TSPAN9: variants seen among roughly 807,000 people sequenced by gnomAD.
TSPAN9 encodes tetraspanin-9.
Under a neutral mutation model 31.0 loss-of-function variants are expected in TSPAN9, and 16 were observed. The ratio of observed to expected loss-of-function variants is 0.52; its 90% confidence interval spans 0.35 to 0.78. The LOEUF is 0.78. Among genes scored for constraint, TSPAN9 ranks in the 30% least tolerant of loss-of-function variants. TSPAN9 has a pLI of 0.01. For missense variants in TSPAN9, 272 were observed against 312.5 expected (o/e 0.87, Z 0.98); for synonymous variants, 145 against 121.6 (o/e 1.19, Z -1.27).
intron 2 of TSPAN9, among the ~76,000 whole-genome samples, chr12:3,114,707 A>G (rs1315947187): frequency 1.3e-5 from 2 of 151,914 alleles, no homozygotes; most frequent in Non-Finnish European, 2.9e-5. Flanking sequence ...GCCAGGCATG[A>G]TGGTGGGTGC....
rs632887 is a variant in TSPAN9 at position 3,283,185 on chromosome 12, A to G, written c.*69A>G. On this transcript the variant is annotated 3_prime_UTR_variant, in exon 9 of 9. Coordinates refer to ENST00000011898, the MANE Select transcript of TSPAN9 (RefSeq NM_006675.5). The stretch of plus-strand genomic sequence containing the variant: ...AGGGAAGAGGATTGAGCTTTGTGTC[A>G]CCTGCCTGCGCTCTCCAGATATGAC... The G allele has an allele frequency of 0.41, 635,338 of 1,539,558 alleles. 133,128 individuals are homozygous for G. Among genetic ancestry groups the G allele is most frequent in the Middle Eastern group, 0.56 (3,326 of 5,918 alleles).
chr12:3,152,500 G>C (rs2153968714), intron 2 of TSPAN9, among the ~76,000 whole-genome samples: 1 of 152,358 alleles, frequency 6.6e-6, no homozygotes, highest in African/African-American at 2.4e-5. Context: ...AACATGTATT[G>C]AAAAGAATGA....
In TSPAN9 at chr12:3,233,149, G is replaced by A. The variant is rs531280354; in HGVS notation, c.63+31893G>A. ...TTTTTTCCCTCCAGGGCCACCTGTC[G>A]TCTCATTCCTTTCTGTCTCTTTTGG... On this transcript the variant is annotated intron_variant, in intron 3 of 8. Transcript: ENST00000011898. Among the ~76,000 whole-genome samples, 20 of 152,238 alleles carry A rather than the reference G, an allele frequency of 1.3e-4. No individual in the cohort carries two copies. In the East Asian group the frequency reaches 1.4e-3, roughly 10 times the overall value.
chr12:3,256,830 C>T (rs137968258), intron 3 of TSPAN9, among the ~76,000 whole-genome samples: 39 of 152,280 alleles, frequency 2.6e-4, no homozygotes, highest in Non-Finnish European at 4.3e-4. Context: ...CTGAAATACA[C>T]GGCGACTCTC....
chr12:3,265,601 G>A (rs1862523278), intron 3 of TSPAN9, among the ~76,000 whole-genome samples: 1 of 152,182 alleles, frequency 6.6e-6, no homozygotes, highest in Admixed American at 6.5e-5. Flanking sequence ...CCCTCGGCTG[G>A]ACTGAGCGTC....
In TSPAN9 at chr12:3,281,193, G is replaced by T; in HGVS notation, c.433-5G>T. On this transcript the variant is annotated splice_region_variant and splice_polypyrimidine_tract_variant and intron_variant, in intron 6 of 8. Transcript: ENST00000011898. ...CTGACTGCCCCTTCCATTCCTGCTGGCCAGATGCGATGCTGTGGTGTCACT... is the reference window on the plus strand; with the variant it reads ...CTGACTGCCCCTTCCATTCCTGCTGTCCAGATGCGATGCTGTGGTGTCACT... 1 of 1,551,024 alleles carries T rather than the reference G, an allele frequency of 6.4e-7. No individual in the cohort carries two copies. Among genetic ancestry groups the T allele is most frequent in the Non-Finnish European group, 8.7e-7 (1 of 1,146,922 alleles).
Position 3,170,768 on chromosome 12 carries a change from T to A in TSPAN9, c.-17-30409T>A, listed in dbSNP as rs950981786. Among the ~76,000 whole-genome samples, 3 of 152,146 alleles carry A rather than the reference T, an allele frequency of 2.0e-5. No individual in the cohort carries two copies. The highest frequency in any genetic ancestry group is 7.2e-5 in the African/African-American group (3 of 41,428). On this transcript the variant is annotated intron_variant, in intron 2 of 8. Coordinates refer to ENST00000011898, the MANE Select transcript of TSPAN9 (RefSeq NM_006675.5). The surrounding 1 kb of genome is among the most constrained non-coding windows in gnomAD (Gnocchi z 4.4). ...TAGAGCGGAAGGACCTGCACAGCTGTGGCACCTGTGGGGCTGCTGGCTGAG... is the reference window on the plus strand; with the variant it reads ...TAGAGCGGAAGGACCTGCACAGCTGAGGCACCTGTGGGGCTGCTGGCTGAG...
chr12:3,097,577 A>G (rs2098309758), intron 2 of TSPAN9, among the ~76,000 whole-genome samples: 1 of 152,132 alleles, frequency 6.6e-6, no homozygotes, highest in Non-Finnish European at 1.5e-5. Flanking sequence ...AAGAGAGGGA[A>G]AGTTCAAGAC....
chr12:3,144,506 A>G (rs990722534), intron 2 of TSPAN9, among the ~76,000 whole-genome samples: 1 of 152,330 alleles, frequency 6.6e-6, no homozygotes, highest in Middle Eastern at 3.4e-3. Context: ...AGCAATGACC[A>G]GAAGCTAGAA....
intron 2 of TSPAN9, among the ~76,000 whole-genome samples, chr12:3,145,378 C>T (rs561243738): frequency 6.6e-6 from 1 of 152,156 alleles, no homozygotes; most frequent in African/African-American, 2.4e-5. Flanking sequence ...CTTGTTTTGA[C>T]GTGCCAGCTT....
intron 3 of TSPAN9, among the ~76,000 whole-genome samples, chr12:3,247,771 C>T (rs1259173232): frequency 6.6e-6 from 1 of 152,206 alleles, no homozygotes; most frequent in Non-Finnish European, 1.5e-5. Context: ...GTTCGCTGCA[C>T]AGGCTGTGCT....
intron 2 of TSPAN9, among the ~76,000 whole-genome samples, chr12:3,123,575 C>A (rs914202673): frequency 1.3e-5 from 2 of 152,050 alleles, no homozygotes; most frequent in African/African-American, 4.8e-5. Flanking sequence ...CATTAATCTC[C>A]TCCAGTGTGT....
chr12:3,142,922 T>A (rs1046350356), intron 2 of TSPAN9, among the ~76,000 whole-genome samples: 5 of 152,218 alleles, frequency 3.3e-5, no homozygotes, highest in African/African-American at 1.2e-4. Flanking sequence ...TCCTGTCTCC[T>A]TAGGCTCCTC....
At chr12:3,137,916 G>A (rs1201153159) in intron 2 of TSPAN9, among the ~76,000 whole-genome samples, 2 of 152,196 alleles carry the variant, frequency 1.3e-5, no homozygotes, top group East Asian at 1.9e-4. Flanking sequence ...CAAGAGAGGG[G>A]CAGCTTTGTT....
Position 3,281,240 on chromosome 12 carries a change from G to T in TSPAN9, c.475G>T (p.Val159Leu). 2 of 1,551,432 alleles carry T rather than the reference G, an allele frequency of 1.3e-6. No homozygotes were observed. The highest frequency in any genetic ancestry group is 1.7e-6 in the Non-Finnish European group (2 of 1,147,022). The change falls in exon 7 of 9, where the codon GTG becomes TTG. Residue 159 changes from valine to leucine, a missense_variant. Physicochemically the swap from Val to Leu is conservative, Grantham distance 32 (BLOSUM62 1). Coordinates refer to ENST00000011898, the MANE Select transcript of TSPAN9 (RefSeq NM_006675.5). ...CACTGACTACACAGACTGGTACCCA[G>T]TGCTGGGGGAGAACACGGTTCCCGA... is the stretch of plus-strand genomic sequence containing the variant. ...GVTDYTDWYPVLGENTVPDRC... is the reference protein window; with the variant it reads ...GVTDYTDWYPLLGENTVPDRC...
At chr12:3,157,342 C>T (rs1194407970) in intron 2 of TSPAN9, among the ~76,000 whole-genome samples, 1 of 152,066 alleles carries the variant, frequency 6.6e-6, no homozygotes, top group Non-Finnish European at 1.5e-5. Context: ...ACCGCATGAT[C>T]CCCCCACCTC....
intron 2 of TSPAN9, among the ~76,000 whole-genome samples, chr12:3,117,965 A>C (rs1339103920): frequency 2.0e-5 from 3 of 152,062 alleles, no homozygotes; most frequent in Non-Finnish European, 1.5e-5. Flanking sequence ...TGGAGGAGGC[A>C]TGTGTGGTAA....
chr12:3,155,865 G>A (rs559327135), intron 2 of TSPAN9, among the ~76,000 whole-genome samples: 1 of 152,206 alleles, frequency 6.6e-6, no homozygotes, highest in African/African-American at 2.4e-5. Flanking sequence ...TCCCCTCCGA[G>A]ATCTCTAGGG....
At position 3,235,336 on chromosome 12, in the gene TSPAN9, C is replaced by T. The variant is rs559242659; in HGVS notation, c.63+34080C>T. ...AGTGAACGAGAGCACAGACCAACAG[C>T]GTGCTGTAGTGGCAAGAAGCCTGGC... On this transcript the variant is annotated intron_variant, in intron 3 of 8. Coordinates refer to ENST00000011898, the MANE Select transcript of TSPAN9 (RefSeq NM_006675.5). Among the ~76,000 whole-genome samples the T allele has an allele frequency of 5.3e-4, 73 of 137,230 alleles. No individual in the cohort carries two copies. In the Middle Eastern group the frequency reaches 0.02, roughly 37 times the overall value. The allele number at this position is 137,230 out of a possible 152,430, so 90.0% of individuals were successfully genotyped here.
Sources: allele counts gnomAD v4.1 joint callset (sites outside exome capture counted in the v4.1 genomes callset), GRCh38; gene constraint gnomAD v4.1.1; non-coding constraint Gnocchi (gnomAD v3.1); transcripts MANE v1.5; gene names NCBI Gene and HGNC (gene_info 2026-07-23, HGNC 2026-07-21).